The following LNX1 variants were observed in gnomAD, a reference collection of about 807,000 sequenced individuals.
LNX1 encodes ligand of numb-protein X 1, also known as E3 ubiquitin-protein ligase LNX.
In LNX1, 54 loss-of-function variants were observed where a neutral mutation model predicts 68.4. That is an observed-to-expected ratio of 0.79 (90% CI 0.63 to 0.99). LNX1 has a LOEUF of 0.99. Among genes scored for constraint, LNX1 ranks in the 50% least tolerant of loss-of-function variants. The pLI, the probability that LNX1 is intolerant of heterozygous loss-of-function variation, is 0.00. For missense variants in LNX1, 906 were observed against 926.4 expected, an observed-to-expected ratio of 0.98 and a Z score of 0.29; for synonymous variants, 336 against 350.0, an observed-to-expected ratio of 0.96 and a Z score of 0.45.
At chr4:53,540,549 G>A (rs771043922) in intron 2 of LNX1, among the ~76,000 whole-genome samples, 14 of 152,004 alleles carry the variant, frequency 9.2e-5, no homozygotes, top group African/African-American at 2.2e-4. Flanking sequence ...GGGCATGGTG[G>A]TGGGTGCCTG....
In LNX1 at chr4:53,460,468, A is replaced by AAT; in HGVS notation, c.*437_*438dup. 5.2e-6 allele frequency: 1 copy of AAT among 194,128 alleles called. No individual in the cohort carries two copies. The highest frequency in any genetic ancestry group is 1.8e-3 in the Middle Eastern group (1 of 542). 12.0% of individuals were successfully genotyped at this position (194,128 alleles called of 1,614,324 possible). On this transcript the variant is annotated 3_prime_UTR_variant, in exon 11 of 11. Transcript: ENST00000263925. The stretch of plus-strand genomic sequence containing the variant: ...TAAAAGACAACTATAACTTCTGAAA[A>AAT]ATATTTATTCTTGTTTGATGAAAGC...
At chr4:53,629,827 A>T (rs892274580) in intron 1 of LNX1, among the ~76,000 whole-genome samples, 8 of 152,146 alleles carry the variant, frequency 5.3e-5, no homozygotes, top group Middle Eastern at 3.2e-3. Flanking sequence ...TTTTATTTTT[A>T]AAAAATATTG....
intron 2 of LNX1, among the ~76,000 whole-genome samples, chr4:53,565,674 A>G (rs542676348): frequency 0.041 from 6,294 of 152,172 alleles, 183 homozygotes; most frequent in Middle Eastern, 0.065. Flanking sequence ...CTGAGAGAAG[A>G]AGGCTTCAGA....
chr4:53,576,131 C>T, intron 1 of LNX1: 2 of 1,560,558 alleles, frequency 1.3e-6, no homozygotes, highest in South Asian at 1.2e-5. Flanking sequence ...CTCCTTGATT[C>T]TGTGGCCCAG....
chr4:53,586,741 A>G (rs1465899923), intron 1 of LNX1, among the ~76,000 whole-genome samples: 1 of 152,236 alleles, frequency 6.6e-6, no homozygotes, highest in Admixed American at 6.5e-5. Flanking sequence ...GATGATTGTA[A>G]AAACTGCAAA....
At chr4:53,617,047 G>A (rs1162092341) in intron 1 of LNX1, among the ~76,000 whole-genome samples, 1 of 152,142 alleles carries the variant, frequency 6.6e-6, no homozygotes, top group Non-Finnish European at 1.5e-5. Flanking sequence ...ATAAGTCTGT[G>A]CTTGTGCCAG....
At chr4:53,474,774 C>T (rs1486682845) in intron 9 of LNX1, among the ~76,000 whole-genome samples, 11 of 148,798 alleles carry the variant, frequency 7.4e-5, no homozygotes, top group Non-Finnish European at 1.3e-4. Context: ...TCTACTTCTT[C>T]TTTTTTTTTT....
upstream of LNX1, among the ~76,000 whole-genome samples, chr4:53,594,632 C>T (rs929066299): frequency 6.6e-6 from 1 of 152,110 alleles, no homozygotes; most frequent in Non-Finnish European, 1.5e-5. Context: ...AGATATTACT[C>T]CAGGCACACT....
At chr4:53,478,494 C>T (rs1723709319) in intron 8 of LNX1, 71 bp downstream of exon 8, 1 of 1,316,542 alleles carries the variant, frequency 7.6e-7, no homozygotes, top group Non-Finnish European at 1.0e-6. Flanking sequence ...TGAAAATAGT[C>T]ACCTAACAAG....
At chr4:53,504,030 G>A (rs1344154898) in intron 4 of LNX1, among the ~76,000 whole-genome samples, 2 of 152,206 alleles carry the variant, frequency 1.3e-5, no homozygotes, top group Non-Finnish European at 2.9e-5. Flanking sequence ...AGCTACTTGG[G>A]AGGCTGAGAC....
At chr4:53,562,947 A>G (rs1006145461) in intron 2 of LNX1, among the ~76,000 whole-genome samples, 7 of 152,354 alleles carry the variant, frequency 4.6e-5, no homozygotes, top group African/African-American at 1.7e-4. Context: ...ACAATGGCTC[A>G]AGCCCGTAAT....
intron 1 of LNX1, among the ~76,000 whole-genome samples, chr4:53,586,320 A>C (rs1347406): frequency 6.6e-6 from 1 of 152,014 alleles, no homozygotes; most frequent in Non-Finnish European, 1.5e-5. Flanking sequence ...GACTGTCAAA[A>C]GCAGTCATAA....
Position 53,481,721 on chromosome 4 carries a change from T to A in LNX1, c.1484A>T (p.Lys495Met). 1 of 1,613,554 alleles carries A rather than the reference T, an allele frequency of 6.2e-7. No individual in the cohort carries two copies. Among genetic ancestry groups the A allele is most frequent in the Non-Finnish European group, 8.5e-7 (1 of 1,179,690 alleles). Reference protein sequence around the residue: ...PGPGERSNTPKPLHPTITCHE... With the variant: ...PGPGERSNTPMPLHPTITCHE... Reference sequence around the variant, plus strand: ...GGCGACCTGCCCTAGAGGCCTCACCTTGGGAGTGTTGCTCCTCTCCCCTGG... The same window carrying A: ...GGCGACCTGCCCTAGAGGCCTCACCATGGGAGTGTTGCTCCTCTCCCCTGG... Residue 495 changes from lysine to methionine, a missense_variant and splice_region_variant, in exon 7 of 11, where the codon AAG becomes ATG. Physicochemically the swap from Lys to Met is moderately conservative, Grantham distance 95. Coordinates refer to ENST00000263925, the MANE Select transcript of LNX1 (RefSeq NM_001126328.3).
Position 53,459,872 on chromosome 4 carries a change from CTT to C in LNX1, c.*1033_*1034del, listed in dbSNP as rs1721486200. The C allele has an allele frequency of 1.3e-5, 3 of 237,010 alleles. No individual in the cohort carries two copies. The highest frequency in any genetic ancestry group is 4.5e-5 in the African/African-American group (2 of 44,848). 14.7% of individuals were successfully genotyped at this position (237,010 alleles called of 1,614,324 possible). A position where few individuals can be genotyped will look rare whatever the true frequency, so the allele number is the denominator to read the frequency against. ...TCTAAGGCTTGAGATTAAAACTAGT[CTT>C]TATCATTACTGCTGTGACACTCTTG... On this transcript the variant is annotated 3_prime_UTR_variant, in exon 11 of 11. Transcript: ENST00000263925.
chr4:53,649,837 G>A lies in LNX1; in HGVS notation c.-215+2331C>T, dbSNP rs1735025287. On this transcript the variant is annotated intron_variant, in intron 1 of 2. Transcript: ENST00000507168. Reference sequence around the variant, plus strand: ...TTGTCTGCTTCCCACAGTGGACTGGGAGTTCCTTGAGGGTGGTGACTAAGG... The same window carrying A: ...TTGTCTGCTTCCCACAGTGGACTGGAAGTTCCTTGAGGGTGGTGACTAAGG... 2.0e-5 allele frequency among the ~76,000 whole-genome samples: 3 copies of A among 152,282 alleles called. No individual in the cohort carries two copies. In the South Asian group the frequency reaches 6.2e-4, roughly 32 times the overall value.
intron 2 of LNX1, chr4:53,558,223 A>T (rs1275359211): frequency 1.1e-5 from 14 of 1,260,576 alleles, no homozygotes; most frequent in Non-Finnish European, 1.4e-5. Flanking sequence ...GGCTGAGAGC[A>T]GGCAAGCTGA....
At chr4:53,575,115 G>A (rs1254945619) in intron 1 of LNX1, among the ~76,000 whole-genome samples, 3 of 152,018 alleles carry the variant, frequency 2.0e-5, no homozygotes, top group African/African-American at 4.8e-5. Flanking sequence ...CTGAGTAGCT[G>A]GGATTACAGG....
At chr4:53,467,713 A>C (rs536413645) in intron 9 of LNX1, among the ~76,000 whole-genome samples, 58 of 152,376 alleles carry the variant, frequency 3.8e-4, no homozygotes, top group Non-Finnish European at 6.6e-4. Context: ...TCAGTAGCCG[A>C]TGCGATCAAC....
At chr4:53,521,802 C>T (rs1727243183) in intron 2 of LNX1, among the ~76,000 whole-genome samples, 2 of 152,086 alleles carry the variant, frequency 1.3e-5, no homozygotes, top group Non-Finnish European at 2.9e-5. Context: ...TTGGGCCAGG[C>T]TTACTCTTTG....
Sources: gnomAD v4.1 joint callset for allele counts (sites outside exome capture counted in the v4.1 genomes callset) on GRCh38, gnomAD v4.1.1 for gene constraint, MANE v1.5 for transcripts, NCBI Gene and HGNC (gene_info 2026-07-23, HGNC 2026-07-21) for gene names.